Variants in CLEC1A observed in about 807,000 individuals in gnomAD.
CLEC1A encodes the protein C-type lectin domain family 1 member A, also known as C-type lectin-like receptor-1.
In CLEC1A, 34 loss-of-function variants were observed where a neutral mutation model predicts 28.7. The observed-to-expected ratio is 1.18, with a 90% CI of 0.90 to 1.57. The LOEUF is 1.57. Ranked by LOEUF, CLEC1A falls within the 40% of genes most tolerant of loss-of-function variation. The pLI is 0.00. For synonymous variants in CLEC1A, 116 were observed against 121.0 expected, an observed-to-expected ratio of 0.96 and a Z score of 0.27; for missense variants, 385 against 339.5, an observed-to-expected ratio of 1.13 and a Z score of -1.05.
Position 10,073,413 on chromosome 12 carries a change from T to C in CLEC1A, c.544-2A>G, listed in dbSNP as rs1285160583. ...GTAGCTCTGAGACGCGGCAAATTCCTGTGAAAAGCACATAAGAAAAGCTTT... is the reference window on the plus strand; with the variant it reads ...GTAGCTCTGAGACGCGGCAAATTCCCGTGAAAAGCACATAAGAAAAGCTTT... On this transcript the variant is annotated splice_acceptor_variant, in intron 4 of 5. Transcript: ENST00000315330. LOFTEE classifies it high-confidence loss of function. The C allele has an allele frequency of 1.2e-6, 2 of 1,608,574 alleles. No homozygotes were observed. The highest frequency in any genetic ancestry group is 4.5e-5 in the East Asian group (2 of 44,846).
At chr12:10,092,501 C>A in intron 1 of CLEC1A, 1 of 351,798 alleles carries the variant, frequency 2.8e-6, no homozygotes, top group Non-Finnish European at 5.8e-6. Flanking sequence ...GAGTCGTGAT[C>A]GTGCCACTCT....
At chr12:10,088,745 A>G (rs1866553027) in intron 2 of CLEC1A, among the ~76,000 whole-genome samples, 1 of 152,070 alleles carries the variant, frequency 6.6e-6, no homozygotes. Context: ...CTCTATGGGT[A>G]GCATATTCTG....
intron 2 of CLEC1A, among the ~76,000 whole-genome samples, chr12:10,088,643 T>G (rs1232406290): frequency 6.6e-6 from 1 of 152,102 alleles, no homozygotes; most frequent in Non-Finnish European, 1.5e-5. Context: ...TTTTCACAAG[T>G]TTTTGTAAAG....
Position 10,071,115 on chromosome 12 carries a change from G to C in CLEC1A, c.*218C>G, listed in dbSNP as rs1391945496. On this transcript the variant is annotated 3_prime_UTR_variant, in exon 6 of 6. Coordinates refer to ENST00000315330, the MANE Select transcript of CLEC1A (RefSeq NM_016511.4). ...ATGACATTATGGGTTTCTGAGGTTG[G>C]TTGGTGGCATGTAAATAAGACTTCT... 2 of 394,886 alleles carry C rather than the reference G, an allele frequency of 5.1e-6. No homozygotes were observed. The highest frequency in any genetic ancestry group is 4.1e-5 in the African/African-American group (2 of 48,398). The allele number at this position is 394,886 out of a possible 1,614,324, so 24.5% of individuals were successfully genotyped here.
intron 3 of CLEC1A, among the ~76,000 whole-genome samples, chr12:10,079,309 A>G (rs1031717590): frequency 6.6e-6 from 1 of 152,220 alleles, no homozygotes; most frequent in Non-Finnish European, 1.5e-5. Context: ...AGATGAGGGT[A>G]AGAAATAAAA....
At chr12:10,084,821 C>CAAAAAAACAAAAA in intron 2 of CLEC1A, among the ~76,000 whole-genome samples, 1 of 83,742 alleles carries the variant, frequency 1.2e-5, no homozygotes, top group Non-Finnish European at 2.4e-5. Flanking sequence ...GACTCTGTAT[C>CAAAAAAACAAAAA]AAAAAAAAAA....
At chr12:10,085,608 C>G (rs1866476218) in intron 2 of CLEC1A, among the ~76,000 whole-genome samples, 1 of 146,920 alleles carries the variant, frequency 6.8e-6, no homozygotes, top group Non-Finnish European at 1.5e-5. Context: ...AATAGTCCAA[C>G]AGGAAAGTAT....
intron 3 of CLEC1A, among the ~76,000 whole-genome samples, chr12:10,080,316 C>A (rs1866341025): frequency 6.6e-6 from 1 of 151,842 alleles, no homozygotes; most frequent in African/African-American, 2.4e-5. Context: ...CCATCTCCCC[C>A]CACCCCCAAA....
chr12:10,097,772 T>C (rs1947796783), intron 1 of CLEC1A, among the ~76,000 whole-genome samples: 1 of 152,100 alleles, frequency 6.6e-6, no homozygotes, highest in African/African-American at 2.4e-5. Context: ...TCTTCGTAAG[T>C]TTTTTTGGAG....
rs531223126 is a variant in CLEC1A at position 10,073,224 on chromosome 12, T to C, written c.662+69A>G. ...GATTAATACTTGATGGACCAAATTCTTGAGCTCTATCACTCAAGCAAAATA... is the reference window on the plus strand; with the variant it reads ...GATTAATACTTGATGGACCAAATTCCTGAGCTCTATCACTCAAGCAAAATA... On this transcript the variant is annotated intron_variant, in intron 5 of 5. Coordinates refer to ENST00000315330, the MANE Select transcript of CLEC1A (RefSeq NM_016511.4). 7.7e-5 allele frequency: 89 copies of C among 1,156,932 alleles called. No individual in the cohort carries two copies. In the South Asian group the frequency reaches 1.1e-3, roughly 14 times the overall value. 71.7% of individuals were successfully genotyped at this position (1,156,932 alleles called of 1,614,324 possible). A position where few individuals can be genotyped will look rare whatever the true frequency, so the allele number is the denominator to read the frequency against.
At chr12:10,083,508 G>A (rs959088268) in intron 2 of CLEC1A, among the ~76,000 whole-genome samples, 4 of 152,162 alleles carry the variant, frequency 2.6e-5, no homozygotes, top group African/African-American at 9.7e-5. Flanking sequence ...TCACTCTGTT[G>A]CCCAGGCTGG....
At chr12:10,082,234 C>T (rs1039766345) in intron 2 of CLEC1A, among the ~76,000 whole-genome samples, 4 of 151,876 alleles carry the variant, frequency 2.6e-5, no homozygotes, top group South Asian at 2.1e-4. Context: ...AGGTGGGGAG[C>T]GGCGTGGCCT....
At chr12:10,087,486 A>C (rs1311496118) in intron 2 of CLEC1A, among the ~76,000 whole-genome samples, 2 of 39,538 alleles carry the variant, frequency 5.1e-5, no homozygotes, top group Non-Finnish European at 1.6e-4. Context: ...ATATATATAT[A>C]TATATATATA....
intron 1 of CLEC1A, among the ~76,000 whole-genome samples, chr12:10,093,234 C>T (rs1947729821): frequency 1.3e-5 from 2 of 151,838 alleles, no homozygotes; most frequent in African/African-American, 4.8e-5. Context: ...TAGGAGGTCG[C>T]TTGAGTTTGG....
At chr12:10,075,981 TACAGAA>T (rs1257832996) in intron 3 of CLEC1A, among the ~76,000 whole-genome samples, 2 of 152,214 alleles carry the variant, frequency 1.3e-5, no homozygotes, top group African/African-American at 4.8e-5. Context: ...ATCTCAAATG[TACAGAA>T]ACTCCAACTG....
intron 1 of CLEC1A, among the ~76,000 whole-genome samples, chr12:10,090,921 C>T (rs1279078395): frequency 6.6e-6 from 1 of 152,010 alleles, no homozygotes; most frequent in Non-Finnish European, 1.5e-5. Flanking sequence ...TTATTGAGAC[C>T]TTCCTTAGCT....
At position 10,091,655 on chromosome 12, in the gene CLEC1A, TA is replaced by T. The variant is rs11407068; in HGVS notation, c.116-2434del. ...AAAAGTATTTCAGATCAGCAGAACA[TA>T]AAAAAAAAAAAAGATTAGAGGCAGA... On this transcript the variant is annotated intron_variant, in intron 1 of 5. Transcript: ENST00000315330. Among the ~76,000 whole-genome samples, 910 of 145,202 alleles carry T rather than the reference TA, an allele frequency of 6.3e-3. 4 individuals carry two copies. Among genetic ancestry groups the T allele is most frequent in the African/African-American group, 0.021 (814 of 39,400 alleles).
intron 5 of CLEC1A, among the ~76,000 whole-genome samples, chr12:10,072,887 T>G (rs1866163874): frequency 6.6e-6 from 1 of 152,106 alleles, no homozygotes; most frequent in South Asian, 2.1e-4. Context: ...TAAACAAGAC[T>G]GGGCAACACA....
At chr12:10,089,091 A>G in intron 2 of CLEC1A, 33 bp downstream of exon 2, 1 of 1,517,410 alleles carries the variant, frequency 6.6e-7, no homozygotes, top group African/African-American at 1.4e-5. Flanking sequence ...CCTTGGAACC[A>G]GGATCCTCCC....
Sources: gnomAD v4.1 joint callset for allele counts (sites outside exome capture counted in the v4.1 genomes callset) on GRCh38, gnomAD v4.1.1 for gene constraint, MANE v1.5 for transcripts, NCBI Gene and HGNC (gene_info 2026-07-23, HGNC 2026-07-21) for gene names.